Variants in FAT4 observed in about 807,000 individuals in gnomAD.
FAT4 encodes the protein FAT atypical cadherin 4.
Under a neutral mutation model 303.9 loss-of-function variants are expected in FAT4, and 84 were observed. That is an observed-to-expected ratio of 0.28 (90% confidence interval 0.23 to 0.33). FAT4 has a LOEUF of 0.33. Among genes scored for constraint, FAT4 ranks in the 10% least tolerant of loss-of-function variants. FAT4 has a pLI of 1.00. For missense variants in FAT4, 6,005 were observed against 6,146.8 expected (o/e 0.98, Z 0.77); for synonymous variants, 2,307 against 2,298.8 (o/e 1.00, Z -0.10).
rs535792455 is a variant in FAT4 at position 125,407,746 on chromosome 4, G to T, written c.5569+605G>T. On this transcript the variant is annotated intron_variant, in intron 4 of 17. Transcript: ENST00000394329. ...TGCTTCTTTGAACATATTATATTGT[G>T]ATTTTTTTTAGTCTGAGTACTCAAT... 3.3e-4 allele frequency among the ~76,000 whole-genome samples: 50 copies of T among 152,070 alleles called. No individual in the cohort carries two copies. The South Asian group carries it at 0.01, about 32-fold the overall frequency.
Position 125,468,808 on chromosome 4 carries a change from A to G in FAT4, c.12202A>G (p.Arg4068Gly). The change falls in exon 12 of 18, where the codon AGA becomes GGA. Residue 4068 changes from arginine to glycine, a missense_variant. Arg to Gly is a moderately radical substitution (Grantham distance 125). Transcript: ENST00000394329. ...DGHFHTVIARRAGMAASLTVD... is the reference protein window; with the variant it reads ...DGHFHTVIARGAGMAASLTVD... ...ACATTTTCACACTGTGATTGCCAGG[A>G]GAGCAGGAATGGTAAGATATTTCAT... The G allele has an allele frequency of 6.2e-7, 1 of 1,609,292 alleles. No individual in the cohort carries two copies. Among genetic ancestry groups the G allele is most frequent in the Non-Finnish European group, 8.5e-7 (1 of 1,176,252 alleles).
chr4:125,384,412 T>C (rs1007235641), intron 2 of FAT4, among the ~76,000 whole-genome samples: 3 of 152,232 alleles, frequency 2.0e-5, no homozygotes, highest in East Asian at 1.9e-4. Context: ...AAATGACTAA[T>C]GAATTTAACA....
chr4:125,451,252 G>A lies in FAT4; in HGVS notation c.10242G>A (p.Gln3414=), dbSNP rs371194603. The change falls in exon 10 of 18, where the codon CAG becomes CAA. Residue 3414 remains glutamine, a synonymous_variant. Transcript: ENST00000394329. ...TTACTCTAAACATCTACAGTGTGCA[G>A]ATCAGTGAAGGGGTCCCAATAGGAA... ...PIFTLNIYSV[Q]ISEGVPIGTH... The A allele has an allele frequency of 6.2e-7, 1 of 1,614,118 alleles. No homozygotes were observed. The highest frequency in any genetic ancestry group is 1.1e-5 in the South Asian group (1 of 91,084).
chr4:125,363,641 G>A (rs184978883), intron 2 of FAT4, among the ~76,000 whole-genome samples: 180 of 151,860 alleles, frequency 1.2e-3, no homozygotes, highest in African/African-American at 4.1e-3. Context: ...GACAACAGGC[G>A]CATGCCACCA....
chr4:125,425,845 A>G (rs1159651461), intron 7 of FAT4, among the ~76,000 whole-genome samples: 3 of 152,124 alleles, frequency 2.0e-5, no homozygotes, highest in African/African-American at 4.8e-5. Context: ...AAGTTTAGTT[A>G]TAAAGTATTT....
At chr4:125,349,145 A>G (rs1372535714) in intron 2 of FAT4, among the ~76,000 whole-genome samples, 2 of 151,812 alleles carry the variant, frequency 1.3e-5, no homozygotes, top group African/African-American at 4.8e-5. Context: ...GAAAATATAA[A>G]AGGCATTTTT....
chr4:125,332,359 C>T (rs1238858347), intron 2 of FAT4, among the ~76,000 whole-genome samples: 2 of 152,108 alleles, frequency 1.3e-5, no homozygotes, highest in Non-Finnish European at 2.9e-5. Flanking sequence ...GGTGTTAATG[C>T]TATTTTTCAT....
chr4:125,452,839 A>C, intron 10 of FAT4, 29 bp downstream of exon 10: 1 of 1,561,476 alleles, frequency 6.4e-7, no homozygotes, highest in Non-Finnish European at 8.7e-7. Context: ...TTTTCTCACT[A>C]AGACTTTAGC....
intron 2 of FAT4, chr4:125,362,982 T>G (rs570627225): frequency 6.6e-6 from 1 of 152,076 alleles, no homozygotes; most frequent in East Asian, 1.9e-4. Flanking sequence ...TTTCCTAGCT[T>G]GGCATTAGTT....
chr4:125,371,108 A>G (rs1317668045), intron 2 of FAT4, among the ~76,000 whole-genome samples: 1 of 144,750 alleles, frequency 6.9e-6, no homozygotes, highest in African/African-American at 2.5e-5. Flanking sequence ...AGATCGCGCC[A>G]TTGCACTTCA....
In FAT4 at chr4:125,323,756, A is replaced by G. The variant is rs1348879377; in HGVS notation, c.5175+2170A>G. ...AATTAATTTACTGTGATTCTGCAAA[A>G]ATAAGTTATACATTTCCTCTTGTTA... On this transcript the variant is annotated intron_variant, in intron 2 of 17. Coordinates refer to ENST00000394329, the MANE Select transcript of FAT4 (RefSeq NM_001291303.3). Among the ~76,000 whole-genome samples the G allele has an allele frequency of 2.0e-5, 3 of 152,202 alleles. No individual in the cohort carries two copies. In the East Asian group the frequency reaches 5.8e-4, roughly 29 times the overall value.
rs1730552765 is a variant in FAT4 at position 125,315,746 on chromosome 4, A to C, written c.-244A>C. 6.6e-6 allele frequency among the ~76,000 whole-genome samples: 1 copy of C among 152,166 alleles called. No individual in the cohort carries two copies. The highest frequency in any genetic ancestry group is 2.4e-5 in the African/African-American group (1 of 41,450). ...GCGCGAACGCTAGCGCTTGGAACGCAGTTCCCGAACTGCCTGCGCGCAGAC... is the reference window on the plus strand; with the variant it reads ...GCGCGAACGCTAGCGCTTGGAACGCCGTTCCCGAACTGCCTGCGCGCAGAC... On this transcript the variant is annotated 5_prime_UTR_variant, in exon 1 of 18. Transcript: ENST00000394329.
intron 5 of FAT4, among the ~76,000 whole-genome samples, chr4:125,413,362 T>G (rs80193587): frequency 0.023 from 3,510 of 151,976 alleles, 170 homozygotes; most frequent in Admixed American, 0.13. Flanking sequence ...CTAAGTATTC[T>G]GAACTTTGTA....
chr4:125,403,663 C>T (rs192664097), intron 3 of FAT4, among the ~76,000 whole-genome samples: 5 of 152,170 alleles, frequency 3.3e-5, no homozygotes, highest in East Asian at 1.9e-4. Context: ...CTAAATACAC[C>T]GCAAATAAAA....
intron 16 of FAT4, among the ~76,000 whole-genome samples, chr4:125,485,295 ACT>A (rs1727370716): frequency 6.6e-6 from 1 of 151,906 alleles, no homozygotes; most frequent in African/African-American, 2.4e-5. Context: ...AAAATTTTTA[ACT>A]TTTTTCTCTT....
intron 2 of FAT4, among the ~76,000 whole-genome samples, chr4:125,385,944 T>C (rs1733734505): frequency 6.6e-6 from 1 of 152,196 alleles, no homozygotes. Context: ...TGAAACATCT[T>C]ATTAAAGAAA....
chr4:125,333,872 T>C (rs926796281), intron 2 of FAT4, among the ~76,000 whole-genome samples: 17 of 152,284 alleles, frequency 1.1e-4, no homozygotes, highest in Middle Eastern at 3.4e-3. Context: ...ACATACACTC[T>C]AACTTTTCCT....
rs139033158 is a variant in FAT4, at chr4:125,449,065, C to T, written c.8055C>T (p.Ser2685=). 3.5e-4 allele frequency: 571 copies of T among 1,613,738 alleles called. 4 individuals are homozygous for T. In the East Asian group the frequency reaches 0.011, roughly 32 times the overall value. Residue 2685 remains serine (S), a synonymous_variant, in exon 10 of 18, where the codon TCC becomes TCT. Transcript: ENST00000394329. ...PFISEILENL[S]PRKILTVSAM... ...TATCTGAAATATTGGAAAACCTTTC[C>T]CCTCGAAAAATACTTACTGTTTCGG...
At chr4:125,345,635 T>C (rs1731971873) in intron 2 of FAT4, among the ~76,000 whole-genome samples, 1 of 152,110 alleles carries the variant, frequency 6.6e-6, no homozygotes, top group African/African-American at 2.4e-5. Flanking sequence ...TTATGCACTT[T>C]GAATTGCTTT....
Sources: gnomAD v4.1 joint callset for allele counts (sites outside exome capture counted in the v4.1 genomes callset) on GRCh38, gnomAD v4.1.1 for gene constraint, MANE v1.5 for transcripts, NCBI Gene and HGNC (gene_info 2026-07-23, HGNC 2026-07-21) for gene names.